Variants in RBPJ observed in about 807,000 individuals in gnomAD.
RBPJ encodes recombining binding protein suppressor of hairless.
In RBPJ, 9 loss-of-function variants were observed where a neutral mutation model predicts 67.8. The ratio of observed to expected loss-of-function variants is 0.13; its 90% CI spans 0.08 to 0.23. The LOEUF (loss-of-function observed/expected upper bound fraction) is 0.23. Ranked by LOEUF, RBPJ falls within the 10% of genes least tolerant of loss-of-function variation. The pLI, the probability that RBPJ is intolerant of heterozygous loss-of-function variation, is 1.00. For synonymous variants in RBPJ, 198 were observed against 203.3 expected, an observed-to-expected ratio of 0.97 and a Z score of 0.22; for missense variants, 305 against 595.6, an observed-to-expected ratio of 0.51 and a Z score of 5.08.
chr4:26,286,595 T>A (rs1721475846), intron 1 of RBPJ, among the ~76,000 whole-genome samples: 2 of 152,122 alleles, frequency 1.3e-5, no homozygotes, highest in Non-Finnish European at 2.9e-5. Context: ...TTCATTGTTC[T>A]GACTGCACAT....
chr4:26,420,256 A>G (rs1296475457), intron 4 of RBPJ, among the ~76,000 whole-genome samples: 1 of 152,140 alleles, frequency 6.6e-6, no homozygotes, highest in Admixed American at 6.5e-5. Flanking sequence ...TGATAATTCC[A>G]TGATACAGTT....
intron 3 of RBPJ, among the ~76,000 whole-genome samples, chr4:26,411,359 T>A (rs1310596205): frequency 6.6e-6 from 1 of 152,042 alleles, no homozygotes; most frequent in East Asian, 1.9e-4. Context: ...TTGCGTGTAT[T>A]CTTGCCTTTT....
the RBPJ span, among the ~76,000 whole-genome samples, chr4:26,119,316 C>T: frequency 6.2e-4 from 94 of 152,284 alleles, no homozygotes; most frequent in South Asian, 0.015. Flanking sequence ...ATTATATGCC[C>T]AGCTGTCAGA....
At chr4:26,315,812 C>T (rs1191436394), upstream of RBPJ, among the ~76,000 whole-genome samples, 1 of 152,054 alleles carries the variant, frequency 6.6e-6, no homozygotes, top group Non-Finnish European at 1.5e-5. Flanking sequence ...ATTCTTTTCC[C>T]AGAGTATTGA....
intron 1 of RBPJ, among the ~76,000 whole-genome samples, chr4:26,369,918 A>G (rs1262547067): frequency 6.6e-6 from 1 of 152,042 alleles, no homozygotes; most frequent in Non-Finnish European, 1.5e-5. Context: ...TGCAGCCTGA[A>G]CAAACCAAAG....
chr4:26,293,627 C>A (rs1443287062), intron 1 of RBPJ, among the ~76,000 whole-genome samples: 1 of 150,018 alleles, frequency 6.7e-6, no homozygotes, highest in African/African-American at 2.5e-5. Context: ...CAGAGTGAGA[C>A]CATGTCTCCA....
At chr4:26,354,631 G>GT (rs1727170163) in intron 1 of RBPJ, among the ~76,000 whole-genome samples, 1 of 151,882 alleles carries the variant, frequency 6.6e-6, no homozygotes, top group South Asian at 2.1e-4. Flanking sequence ...TGTATTTTTA[G>GT]TAGAGACCGG....
intron 5 of RBPJ, among the ~76,000 whole-genome samples, chr4:26,423,450 C>T (rs973637593): frequency 6.6e-6 from 1 of 152,154 alleles, no homozygotes; most frequent in Non-Finnish European, 1.5e-5. Flanking sequence ...TCAGAGCAGC[C>T]TGCTTAAAAG....
rs1733586554 is a variant in RBPJ at position 26,407,796 on chromosome 4, AATTAATTTACATGTTAAAAGAGAATT to A, written c.155+1527_155+1552del. On this transcript the variant is annotated intron_variant, in intron 3 of 10. Coordinates refer to ENST00000355476, the MANE Select transcript of RBPJ (RefSeq NM_015874.6). ...GGGAAATGTAATATGTATGTGATTA[AATTAATTTACATGTTAAAAGAGAATT>A]TTTAGGAAGTTCCTTGAAGCTGACT... is the stretch of plus-strand genomic sequence containing the variant. 2.0e-5 allele frequency among the ~76,000 whole-genome samples: 3 copies of A among 151,998 alleles called. No homozygotes were observed. The South Asian group carries it at 6.2e-4, about 32-fold the overall frequency.
chr4:26,257,411 C>G (rs1252147870), intron 1 of RBPJ, among the ~76,000 whole-genome samples: 1 of 152,228 alleles, frequency 6.6e-6, no homozygotes, highest in Non-Finnish European at 1.5e-5. Flanking sequence ...AGGTGGATCA[C>G]CGGAAGTTGG....
intron 1 of RBPJ, among the ~76,000 whole-genome samples, chr4:26,299,458 A>C (rs1721997039): frequency 6.6e-6 from 1 of 152,094 alleles, no homozygotes; most frequent in Non-Finnish European, 1.5e-5. Flanking sequence ...TTTCAGTTTC[A>C]GTTTTCATAC....
chr4:26,166,223 G>A, intron 1 of RBPJ, among the ~76,000 whole-genome samples: 1 of 141,118 alleles, frequency 7.1e-6, no homozygotes, highest in Non-Finnish European at 1.5e-5. Flanking sequence ...AGTCCTTTGG[G>A]TATATACCCA....
At chr4:26,282,656 G>A (rs546019873) in intron 1 of RBPJ, among the ~76,000 whole-genome samples, 5 of 151,926 alleles carry the variant, frequency 3.3e-5, no homozygotes, top group Non-Finnish European at 5.9e-5. Flanking sequence ...GAGTAACTGA[G>A]ATTACAGGCG....
chr4:26,213,549 G>T lies in RBPJ; in HGVS notation c.-167+49935G>T, dbSNP rs1280458111. Among the ~76,000 whole-genome samples, 3 of 152,192 alleles carry T rather than the reference G, an allele frequency of 2.0e-5. No individual in the cohort carries two copies. In the South Asian group the frequency reaches 6.2e-4, roughly 31 times the overall value. On this transcript the variant is annotated intron_variant, in intron 1 of 4. Coordinates refer to the RBPJ transcript ENST00000512351. ...AGAAGAACAGCAGATGGTAAGTGAG[G>T]CTGCACACAGGAGTCATGGGAGAGA...
intron 1 of RBPJ, among the ~76,000 whole-genome samples, chr4:26,244,164 T>C (rs1465967193): frequency 7.0e-6 from 1 of 142,684 alleles, no homozygotes; most frequent in African/African-American, 2.5e-5. Flanking sequence ...TATGTATATA[T>C]ATATGTATAC....
At chr4:26,241,422 A>G (rs1046245835) in intron 1 of RBPJ, among the ~76,000 whole-genome samples, 14 of 152,314 alleles carry the variant, frequency 9.2e-5, no homozygotes, top group African/African-American at 3.4e-4. Flanking sequence ...AGGTTGAGGA[A>G]CAGTTTAACG....
chr4:26,299,916 C>G (rs1722021436), intron 1 of RBPJ, among the ~76,000 whole-genome samples: 2 of 151,934 alleles, frequency 1.3e-5, no homozygotes, highest in African/African-American at 4.8e-5. Context: ...GTCTCCTCAC[C>G]TCAGGTGATC....
At chr4:26,201,119 G>A (rs747663452) in intron 1 of RBPJ, among the ~76,000 whole-genome samples, 14 of 152,116 alleles carry the variant, frequency 9.2e-5, no homozygotes, top group Admixed American at 1.3e-4. Context: ...AATTTGTTCC[G>A]CTTTGTCACC....
rs543705829 is a variant in RBPJ at position 26,321,097 on chromosome 4, T to C, written c.20+49T>C. 12 of 1,467,482 alleles carry C rather than the reference T, an allele frequency of 8.2e-6. No homozygotes were observed. The South Asian group carries it at 1.4e-4, about 17-fold the overall frequency. 90.9% of individuals were successfully genotyped at this position (1,467,482 alleles called of 1,614,324 possible). A position where few individuals can be genotyped will look rare whatever the true frequency, so the allele number is the denominator to read the frequency against. On this transcript the variant is annotated intron_variant, in intron 1 of 10. Coordinates refer to ENST00000355476, the MANE Select transcript of RBPJ (RefSeq NM_015874.6). The stretch of plus-strand genomic sequence containing the variant: ...CCGGGAACCGGGAAAGTTGCGGGCG[T>C]CTGGCAGCTCACGGCGGGCAGCGGG...
Sources: allele counts gnomAD v4.1 joint callset (sites outside exome capture counted in the v4.1 genomes callset), GRCh38; gene constraint gnomAD v4.1.1; transcripts MANE v1.5; gene names NCBI Gene and HGNC (gene_info 2026-07-23, HGNC 2026-07-21).